Variants in LTF observed in about 807,000 individuals in gnomAD.
LTF encodes lactotransferrin, also known as epididymis luminal protein 110.
A neutral mutation model predicts 87.2 loss-of-function variants in LTF; 91 were observed. That is an observed-to-expected ratio of 1.04 (90% CI 0.88 to 1.24). The LOEUF (loss-of-function observed/expected upper bound fraction) is 1.24, where lower values mean the gene tolerates loss of function less well. Among genes scored for constraint, LTF ranks in the 50% most tolerant of loss-of-function variants. The pLI, the probability that LTF is intolerant of heterozygous loss-of-function variation, is 0.00. For missense variants in LTF, 901 were observed against 904.3 expected, an observed-to-expected ratio of 1.00 and a Z score of 0.05; for synonymous variants, 378 against 356.1, an observed-to-expected ratio of 1.06 and a Z score of -0.69.
upstream of LTF, among the ~76,000 whole-genome samples, chr3:46,466,599 G>A (rs1470194068): frequency 1.3e-5 from 2 of 152,178 alleles, no homozygotes; most frequent in East Asian, 1.9e-4. Flanking sequence ...GCTAATCAGG[G>A]ATCATGCTTG....
At chr3:46,479,522 G>C (rs1376372146) in intron 1 of LTF, among the ~76,000 whole-genome samples, 1 of 150,454 alleles carries the variant, frequency 6.6e-6, no homozygotes, top group Non-Finnish European at 1.5e-5. Context: ...TTGTTTGTTT[G>C]TTTGTTTGTT....
intron 8 of LTF, among the ~76,000 whole-genome samples, chr3:46,449,387 C>T (rs771896067): frequency 1.2e-4 from 19 of 152,282 alleles, no homozygotes; most frequent in South Asian, 1.0e-3. Context: ...CCTGACTTCC[C>T]CTAACGCCTG....
At chr3:46,454,735 C>T (rs1038176465) in intron 5 of LTF, among the ~76,000 whole-genome samples, 1 of 152,138 alleles carries the variant, frequency 6.6e-6, no homozygotes, top group Admixed American at 6.5e-5. Context: ...GGAGGCCTCC[C>T]TCTGCAAAAA....
chr3:46,465,077 A>G (rs1703182840), upstream of LTF: 1 of 601,780 alleles, frequency 1.7e-6, no homozygotes, highest in Non-Finnish European at 3.0e-6. Context: ...TGCGAGAGGA[A>G]AGCCAGCCTG....
rs1184239628 is a variant in LTF, at chr3:46,482,703, GGAAA to G, written c.-320+2279_-320+2282del. The stretch of plus-strand genomic sequence containing the variant: ...AGGAAGGAAGGAAGGAAGGAAGGAA[GGAAA>G]GAAAGAAAGAGAAAGAAAGGAAGGA... On this transcript the variant is annotated intron_variant, in intron 1 of 19. Coordinates refer to the LTF transcript ENST00000443496. Among the ~76,000 whole-genome samples the G allele has an allele frequency of 5.9e-3, 549 of 92,648 alleles. 23 individuals are homozygous for G. The highest frequency in any genetic ancestry group is 0.015 in the African/African-American group (345 of 23,060). 60.8% of individuals were successfully genotyped at this position (92,648 alleles called of 152,430 possible). A position where few individuals can be genotyped will look rare whatever the true frequency, so the allele number is the denominator to read the frequency against.
At chr3:46,472,365 G>A (rs528433056) in intron 1 of LTF, among the ~76,000 whole-genome samples, 3 of 152,156 alleles carry the variant, frequency 2.0e-5, no homozygotes, top group African/African-American at 7.2e-5. Context: ...GAAGGACAGA[G>A]AAGGAGCAGA....
Position 46,443,528 on chromosome 3 carries a change from C to T in LTF, c.1568G>A (p.Cys523Tyr), listed in dbSNP as rs1187522265. 6.2e-7 allele frequency: 1 copy of T among 1,614,186 alleles called. No homozygotes were observed. Among genetic ancestry groups the T allele is most frequent in the East Asian group, 2.2e-5 (1 of 44,888 alleles). Residue 523 changes from cysteine to tyrosine, a missense_variant, in exon 13 of 17, where the codon TGT becomes TAT. Coordinates refer to ENST00000231751, the MANE Select transcript of LTF (RefSeq NM_002343.6). ...APGSDPRSNL[C>Y]ALCIGDEQGE... ...CTGCTCGTCGCCAATACACAGAGCA[C>T]AGAGATTAGATCTCGGGTCAGACCC...
At chr3:46,473,933 T>A (rs1703325387) in intron 1 of LTF, among the ~76,000 whole-genome samples, 1 of 152,212 alleles carries the variant, frequency 6.6e-6, no homozygotes, top group African/African-American at 2.4e-5. Flanking sequence ...AAGTAATACC[T>A]ACGGTAACCA....
intron 10 of LTF, among the ~76,000 whole-genome samples, chr3:46,447,016 T>C (rs1473734899): frequency 2.6e-5 from 4 of 152,086 alleles, no homozygotes; most frequent in Admixed American, 1.3e-4. Flanking sequence ...GACTGTACAG[T>C]GTGTGAAGTG....
chr3:46,456,326 G>A lies in LTF; in HGVS notation c.280C>T (p.Arg94Ter), dbSNP rs771465834. The change falls in exon 3 of 17, where the codon CGA becomes TGA. Residue 94 changes from arginine (R) to a stop codon, truncating the protein, a stop_gained. Transcript: ENST00000231751. LOFTEE classifies it high-confidence loss of function. Reference sequence around the variant, plus strand: ...CCGTAGACTTCCGCCGCTACAGGTCGCAGTTTGTAGGGGGCCAGGCCTGCC... The same window carrying A: ...CCGTAGACTTCCGCCGCTACAGGTCACAGTTTGTAGGGGGCCAGGCCTGCC... ...YEAGLAPYKL[R>*]PVAAEVYGTE... 1.8e-5 allele frequency: 29 copies of A among 1,614,022 alleles called. No individual in the cohort carries two copies. Among genetic ancestry groups the A allele is most frequent in the Non-Finnish European group, 2.2e-5 (26 of 1,180,016 alleles).
Position 46,436,114 on chromosome 3 carries a change from G to T in LTF, c.*81C>A. Reference sequence around the variant, plus strand: ...CCCACCTTCAGCAGGGGAGGCCAAGGCCCCAACACACCTGGGGAGAAGAGC... The same window carrying T: ...CCCACCTTCAGCAGGGGAGGCCAAGTCCCCAACACACCTGGGGAGAAGAGC... On this transcript the variant is annotated 3_prime_UTR_variant, in exon 17 of 17. Transcript: ENST00000231751. 1 of 1,372,252 alleles carries T rather than the reference G, an allele frequency of 7.3e-7. No individual in the cohort carries two copies. The highest frequency in any genetic ancestry group is 1.0e-6 in the Non-Finnish European group (1 of 960,128). 85.0% of individuals were successfully genotyped at this position (1,372,252 alleles called of 1,614,324 possible). A position where few individuals can be genotyped will look rare whatever the true frequency, so the allele number is the denominator to read the frequency against.
At chr3:46,444,341 C>T (rs984387656) in intron 12 of LTF, among the ~76,000 whole-genome samples, 2 of 152,264 alleles carry the variant, frequency 1.3e-5, no homozygotes, top group Non-Finnish European at 2.9e-5. Flanking sequence ...AAATTAACTT[C>T]TGTCTTGTTT....
rs768271637 is a variant in LTF, at chr3:46,439,491, A to C, written c.1724-11T>G. The C allele has an allele frequency of 2.5e-6, 4 of 1,594,042 alleles. No individual in the cohort carries two copies. The highest frequency in any genetic ancestry group is 3.4e-6 in the Non-Finnish European group (4 of 1,168,042). ...CCTCATTGTTATTTCCTGGGGAGAA[A>C]AAGAAGGTGGCATCATCCACGCCTC... is the stretch of plus-strand genomic sequence containing the variant. On this transcript the variant is annotated splice_polypyrimidine_tract_variant and intron_variant, in intron 14 of 16. Transcript: ENST00000231751.
At position 46,447,436 on chromosome 3, in the gene LTF, G is replaced by C. The variant is rs754114999; in HGVS notation, c.1213-38C>G. 6.3e-6 allele frequency: 9 copies of C among 1,420,376 alleles called. No individual in the cohort carries two copies. The East Asian group carries it at 2.0e-4, about 32-fold the overall frequency. The allele number at this position is 1,420,376 out of a possible 1,614,324, so 88.0% of individuals were successfully genotyped here. A position where few individuals can be genotyped will look rare whatever the true frequency, so the allele number is the denominator to read the frequency against. ...AGCAGATCTCCAGCACCACAGTGAG[G>C]CTGCATCCCGTCCTGCCTGTCTATA... On this transcript the variant is annotated intron_variant, in intron 9 of 16. Transcript: ENST00000231751.
chr3:46,476,312 C>T (rs1703359277), intron 1 of LTF, among the ~76,000 whole-genome samples: 1 of 152,074 alleles, frequency 6.6e-6, no homozygotes, highest in African/African-American at 2.4e-5. Context: ...TTGCTGTTGG[C>T]TTTTTTGTAG....
At chr3:46,468,288 C>T (rs578251278), upstream of LTF, 10 of 456,752 alleles carry the variant, frequency 2.2e-5, no homozygotes, top group East Asian at 2.1e-4. Context: ...ACATCTCCAA[C>T]GTGCCAGGAG....
chr3:46,441,689 A>T (rs929936004), intron 13 of LTF: 1 of 507,156 alleles, frequency 2.0e-6, no homozygotes, highest in Non-Finnish European at 3.5e-6. Flanking sequence ...AAGACATTAC[A>T]AAACCAAGAA....
chr3:46,456,263 G>A (rs759544596), intron 3 of LTF, 27 bp downstream of exon 3: 14 of 1,594,214 alleles, frequency 8.8e-6, no homozygotes, highest in East Asian at 2.2e-5. Flanking sequence ...GGCCACCGTG[G>A]CCTCTGGGTC....
chr3:46,471,103 G>T (rs1254155955), intron 1 of LTF, among the ~76,000 whole-genome samples: 1 of 152,168 alleles, frequency 6.6e-6, no homozygotes, highest in Non-Finnish European at 1.5e-5. Flanking sequence ...GTTGACAGAG[G>T]CTGCGGGGAG....
Sources: allele counts gnomAD v4.1 joint callset (sites outside exome capture counted in the v4.1 genomes callset), GRCh38; gene constraint gnomAD v4.1.1; transcripts MANE v1.5; gene names NCBI Gene and HGNC (gene_info 2026-07-23, HGNC 2026-07-21).